CXADR: variants seen among roughly 807,000 people sequenced by gnomAD.
CXADR encodes coxsackievirus and adenovirus receptor.
In CXADR, 20 loss-of-function variants were observed where a neutral mutation model predicts 40.3. The ratio of observed to expected loss-of-function variants is 0.50; its 90% confidence interval spans 0.35 to 0.72. The LOEUF is 0.72. CXADR is among the 30% of genes least tolerant of loss of function. CXADR has a pLI of 0.01. For synonymous variants in CXADR, 150 were observed against 161.3 expected (o/e 0.93, Z 0.53); for missense variants, 332 against 449.1 (o/e 0.74, Z 2.36).
downstream of CXADR, among the ~76,000 whole-genome samples, chr21:17,573,113 CCT>C (rs1456551625): frequency 3.3e-5 from 5 of 152,142 alleles, no homozygotes; most frequent in Non-Finnish European, 7.3e-5. Context: ...GCTCCAGACC[CCT>C]GTCTTTGGCT....
intron 2 of CXADR, 100 bp downstream of exon 2, chr21:17,547,293 G>C (rs1365033791): frequency 1.3e-6 from 2 of 1,516,486 alleles, no homozygotes; most frequent in Non-Finnish European, 1.8e-6. Context: ...AGGGAGCTAG[G>C]AAGGAAGCCC....
intron 7 of CXADR, among the ~76,000 whole-genome samples, chr21:17,582,198 G>C (rs1202894459): frequency 2.0e-5 from 3 of 152,224 alleles, no homozygotes; most frequent in Admixed American, 2.0e-4. Context: ...TTTTAGCAGA[G>C]ACAAGGTTTC....
Position 17,567,388 on chromosome 21 carries a change from T to A in CXADR, c.*1696T>A. ...ACCTTATGTAAAATTACTTTTATAC[T>A]CGTGTTAACATTTTCATCTGTGCCT... On this transcript the variant is annotated 3_prime_UTR_variant, in exon 7 of 7. Transcript: ENST00000284878. The A allele has an allele frequency of 1.0e-6, 1 of 985,024 alleles. No individual in the cohort carries two copies. The highest frequency in any genetic ancestry group is 1.2e-6 in the Non-Finnish European group (1 of 829,508). The allele number at this position is 985,024 out of a possible 1,614,324, so 61.0% of individuals were successfully genotyped here.
chr21:17,602,561 C>T, the CXADR span, among the ~76,000 whole-genome samples: 1 of 152,096 alleles, frequency 6.6e-6, no homozygotes, highest in African/African-American at 2.4e-5. Flanking sequence ...ACGATTAATA[C>T]GTCTTTCTTT....
downstream of CXADR, among the ~76,000 whole-genome samples, chr21:17,571,076 A>T (rs1234501084): frequency 6.6e-6 from 1 of 152,176 alleles, no homozygotes; most frequent in Admixed American, 6.5e-5. Flanking sequence ...ATTACCAAAT[A>T]TCTCCCCTGG....
chr21:17,543,981 T>C (rs941709000), intron 1 of CXADR, among the ~76,000 whole-genome samples: 4 of 151,988 alleles, frequency 2.6e-5, no homozygotes, highest in Admixed American at 6.6e-5. Flanking sequence ...CTGGGTAACA[T>C]AGTGAGACCT....
chr21:17,616,467 C>T, the CXADR span, among the ~76,000 whole-genome samples: 1 of 151,540 alleles, frequency 6.6e-6, no homozygotes, highest in African/African-American at 2.4e-5. Context: ...TCCTGAGTAG[C>T]TGGGACTACA....
At chr21:17,577,707 G>T (rs1331649339) in intron 7 of CXADR, among the ~76,000 whole-genome samples, 2 of 138,496 alleles carry the variant, frequency 1.4e-5, no homozygotes, top group Admixed American at 8.0e-5. Context: ...TGAACTTCTG[G>T]CCTTTCTTTT....
chr21:17,594,441 CTAAGTGACACTCCTAT>C, downstream of CXADR: 1 of 1,271,944 alleles, frequency 7.9e-7, no homozygotes, highest in African/African-American at 1.5e-5. Flanking sequence ...GAGATCACAT[CTAAGTGACACTCCTAT>C]TGTCAGGTCT....
chr21:17,534,100 A>ATTTTTTTTTTTTT (rs1157117899), intron 1 of CXADR, among the ~76,000 whole-genome samples: 1 of 60,070 alleles, frequency 1.7e-5, no homozygotes, highest in Non-Finnish European at 2.6e-5. Flanking sequence ...ATATATATAT[A>ATTTTTTTTTTTTT]TTTTTTTTTT....
At chr21:17,587,025 G>T (rs920664421) in intron 7 of CXADR, among the ~76,000 whole-genome samples, 1 of 152,132 alleles carries the variant, frequency 6.6e-6, no homozygotes, top group Non-Finnish European at 1.5e-5. Flanking sequence ...TGCTGAGAAT[G>T]ATGGATTCCA....
At chr21:17,608,986 T>C in the CXADR span, 2 of 1,613,452 alleles carry the variant, frequency 1.2e-6, no homozygotes, top group Non-Finnish European at 1.7e-6. Flanking sequence ...AGGCCTGTCC[T>C]TTCGATGGTT....
At chr21:17,547,956 C>T (rs189064220) in intron 2 of CXADR, among the ~76,000 whole-genome samples, 21 of 152,098 alleles carry the variant, frequency 1.4e-4, no homozygotes, top group African/African-American at 4.3e-4. Context: ...GGAAACATGC[C>T]TAATAATCTC....
the CXADR span, among the ~76,000 whole-genome samples, chr21:17,601,244 T>C: frequency 6.6e-6 from 1 of 152,204 alleles, no homozygotes; most frequent in African/African-American, 2.4e-5. Context: ...CTGACTAGCT[T>C]GGTCACCAGA....
At chr21:17,558,399 T>C (rs1465409704) in intron 3 of CXADR, among the ~76,000 whole-genome samples, 1 of 152,188 alleles carries the variant, frequency 6.6e-6, no homozygotes, top group African/African-American at 2.4e-5. Context: ...TCCAAAGTGC[T>C]GAGATTACAC....
the CXADR span, among the ~76,000 whole-genome samples, chr21:17,636,235 A>G: frequency 6.6e-6 from 1 of 152,210 alleles, no homozygotes; most frequent in East Asian, 1.9e-4. Context: ...CTGTGAATAA[A>G]CAGAGATTTA....
chr21:17,571,309 A>C (rs1415906522), downstream of CXADR, among the ~76,000 whole-genome samples: 1 of 152,244 alleles, frequency 6.6e-6, no homozygotes, highest in Non-Finnish European at 1.5e-5. Context: ...GATAGAACTG[A>C]TATAATAATG....
downstream of CXADR, among the ~76,000 whole-genome samples, chr21:17,572,678 T>G (rs1191586690): frequency 1.3e-5 from 2 of 152,110 alleles, no homozygotes; most frequent in African/African-American, 4.8e-5. Flanking sequence ...TGCAGATGAC[T>G]GATTTCCATG....
chr21:17,564,777 C>T (rs1177783326), intron 6 of CXADR, among the ~76,000 whole-genome samples: 2 of 152,134 alleles, frequency 1.3e-5, no homozygotes, highest in East Asian at 3.8e-4. Flanking sequence ...CTCTGGCGCC[C>T]AGGCTGGAGT....
Sources: gnomAD v4.1 joint callset for allele counts (sites outside exome capture counted in the v4.1 genomes callset) on GRCh38, gnomAD v4.1.1 for gene constraint, MANE v1.5 for transcripts, NCBI Gene and HGNC (gene_info 2026-07-23, HGNC 2026-07-21) for gene names.